The following RUSC2 variants were observed in gnomAD, a reference collection of about 807,000 sequenced individuals.
RUSC2 encodes AP-4 complex accessory subunit RUSC2.
Under a neutral mutation model 122.2 loss-of-function variants are expected in RUSC2, and 34 were observed. That is an observed-to-expected ratio of 0.28 (90% CI 0.21 to 0.37). The LOEUF is 0.37. RUSC2 is among the 10% of genes least tolerant of loss of function. The probability of loss-of-function intolerance (pLI) is 1.00; values close to 1 mark genes in which losing one functional copy is unlikely to be tolerated. For missense variants in RUSC2, 1,747 were observed against 1,952.4 expected, an observed-to-expected ratio of 0.89 and a Z score of 1.98; for synonymous variants, 784 against 790.0, an observed-to-expected ratio of 0.99 and a Z score of 0.13.
chr9:35,508,204 G>C (rs1447990762), intron 1 of RUSC2, among the ~76,000 whole-genome samples: 1 of 152,108 alleles, frequency 6.6e-6, no homozygotes, highest in African/African-American at 2.4e-5. Flanking sequence ...CTCCTCTCTA[G>C]TTGGAGGAAA....
Position 35,558,453 on chromosome 9 carries a change from TC to T in RUSC2, c.3236-7del. 8 of 1,613,886 alleles carry T rather than the reference TC, an allele frequency of 5.0e-6. No homozygotes were observed. Among genetic ancestry groups the T allele is most frequent in the Non-Finnish European group, 5.9e-6 (7 of 1,179,876 alleles). On this transcript the variant is annotated splice_polypyrimidine_tract_variant and splice_region_variant and intron_variant, in intron 7 of 11. Coordinates refer to ENST00000361226, the MANE Select transcript of RUSC2 (RefSeq NM_014806.5). The surrounding 1 kb of genome is among the most constrained non-coding windows in gnomAD (Gnocchi z 4.3). ...GGTCATGTGACCTGCAACCCTGGCT[TC>T]CTCCCAGGCCCATCCACCAAGGTCC... is the stretch of plus-strand genomic sequence containing the variant.
Position 35,557,661 on chromosome 9 carries a change from G to A in RUSC2, c.2984-253G>A, listed in dbSNP as rs1587870317. On this transcript the variant is annotated intron_variant, in intron 5 of 11. Transcript: ENST00000361226. The surrounding 1 kb of genome is among the most constrained non-coding windows in gnomAD (Gnocchi z 4.6). Reference sequence around the variant, plus strand: ...CCAGGATTGGAATAAGGGCTGAGAGGTAAGGACATTGAGAGGCTTGACAGT... The same window carrying A: ...CCAGGATTGGAATAAGGGCTGAGAGATAAGGACATTGAGAGGCTTGACAGT... Among the ~76,000 whole-genome samples the A allele has an allele frequency of 6.6e-6, 1 of 152,180 alleles. No individual in the cohort carries two copies. The highest frequency in any genetic ancestry group is 1.5e-5 in the Non-Finnish European group (1 of 68,042).
chr9:35,529,197 A>G (rs10758310), intron 1 of RUSC2, among the ~76,000 whole-genome samples: 111,686 of 151,928 alleles, frequency 0.74, 43,272 homozygotes, highest in Non-Finnish European at 0.87. Context: ...AAGAAAATGC[A>G]TAACTGTTAT....
At chr9:35,543,139 G>A (rs1156691030) in intron 1 of RUSC2, among the ~76,000 whole-genome samples, 1 of 152,108 alleles carries the variant, frequency 6.6e-6, no homozygotes, top group African/African-American at 2.4e-5. Context: ...AAAAAAAATT[G>A]TTTAGGCCCG....
At chr9:35,534,489 T>C (rs1311409555) in intron 1 of RUSC2, among the ~76,000 whole-genome samples, 1 of 146,054 alleles carries the variant, frequency 6.8e-6, no homozygotes, top group African/African-American at 2.8e-5. Context: ...TATTTACTTA[T>C]TTATTTTTTT....
In RUSC2 at chr9:35,496,075, A is replaced by T. The variant is rs192354574; in HGVS notation, c.-93+5903A>T. On this transcript the variant is annotated intron_variant, in intron 1 of 11. Coordinates refer to ENST00000361226, the MANE Select transcript of RUSC2 (RefSeq NM_014806.5). ...ATCAGAGAGTGATGAGCGAGCTAGTAACCAGAGAAACTCTCGAGTCAGTGG... is the reference window on the plus strand; with the variant it reads ...ATCAGAGAGTGATGAGCGAGCTAGTTACCAGAGAAACTCTCGAGTCAGTGG... Among the ~76,000 whole-genome samples the T allele has an allele frequency of 1.5e-4, 23 of 152,328 alleles. No individual in the cohort carries two copies. In the East Asian group the frequency reaches 4.4e-3, roughly 29 times the overall value.
intron 1 of RUSC2, among the ~76,000 whole-genome samples, chr9:35,541,426 T>A (rs1821640031): frequency 1.3e-5 from 2 of 151,698 alleles, no homozygotes; most frequent in Admixed American, 1.3e-4. Context: ...ATGTTCTCTG[T>A]GGTGTCATAT....
intron 1 of RUSC2, among the ~76,000 whole-genome samples, chr9:35,540,622 G>A (rs550831312): frequency 3.3e-5 from 5 of 152,288 alleles, no homozygotes; most frequent in African/African-American, 1.2e-4. Context: ...AGGTGGGATT[G>A]GCAAGTGTTA....
rs756137499 is a variant in RUSC2, at chr9:35,561,289, C to T, written c.4458C>T (p.Arg1486=). The T allele has an allele frequency of 9.3e-6, 15 of 1,613,916 alleles. No individual in the cohort carries two copies. The highest frequency in any genetic ancestry group is 5.0e-5 in the Admixed American group (3 of 60,002). Reference sequence around the variant, plus strand: ...GGCGAGCTGGAGGAGACTGGCTGCGCTGCAGCCGTGGCCCCGACTCTGGCC... The same window carrying T: ...GGCGAGCTGGAGGAGACTGGCTGCGTTGCAGCCGTGGCCCCGACTCTGGCC... ...VLGRAGGDWL[R]CSRGPDSGLV... Residue 1486 remains arginine, a synonymous_variant, in exon 12 of 12, where the codon CGC becomes CGT. Transcript: ENST00000361226.
chr9:35,535,209 G>A (rs1166453735), intron 1 of RUSC2, among the ~76,000 whole-genome samples: 1 of 151,820 alleles, frequency 6.6e-6, no homozygotes, highest in Non-Finnish European at 1.5e-5. Context: ...TCCACCTCCT[G>A]AGTTCAAGTG....
rs781731093 is a variant in RUSC2 at position 35,548,391 on chromosome 9, G to A, written c.1870G>A (p.Gly624Arg). The A allele has an allele frequency of 3.7e-6, 6 of 1,614,044 alleles. No homozygotes were observed. The highest frequency in any genetic ancestry group is 3.3e-5 in the Admixed American group (2 of 60,030). ...ACCCTGGTCCACCCAGGTCTGTCAG[G>A]GACCCCACTCCAGTGAGATGCCTCC... ...SPPWSTQVCQ[G>R]PHSSEMPPAG... Residue 624 changes from glycine to arginine, a missense_variant, in exon 2 of 12, where the codon GGA becomes AGA. Coordinates refer to ENST00000361226, the MANE Select transcript of RUSC2 (RefSeq NM_014806.5). The surrounding 1 kb of genome is among the most constrained non-coding windows in gnomAD (Gnocchi z 4.5).
intron 1 of RUSC2, among the ~76,000 whole-genome samples, chr9:35,514,589 C>T (rs1011447727): frequency 1.3e-5 from 2 of 152,120 alleles, no homozygotes; most frequent in Non-Finnish European, 1.5e-5. Context: ...TCTTTAGTAG[C>T]AGTAGGGATG....
chr9:35,505,550 T>C (rs996896077), intron 1 of RUSC2, among the ~76,000 whole-genome samples: 2 of 152,072 alleles, frequency 1.3e-5, no homozygotes, highest in African/African-American at 4.8e-5. Context: ...AACCATAAAC[T>C]CCATGAGGAC....
Position 35,517,524 on chromosome 9 carries a change from C to T in RUSC2, c.-93+27352C>T, listed in dbSNP as rs1042209675. Among the ~76,000 whole-genome samples, 3 of 152,112 alleles carry T rather than the reference C, an allele frequency of 2.0e-5. No homozygotes were observed. In the East Asian group the frequency reaches 5.8e-4, roughly 29 times the overall value. The stretch of plus-strand genomic sequence containing the variant: ...GGGCCCACAAACAGGGGAGAATTAG[C>T]TTTGTGGCTGCTAGATAGACAAGGG... On this transcript the variant is annotated intron_variant, in intron 1 of 11. Coordinates refer to ENST00000361226, the MANE Select transcript of RUSC2 (RefSeq NM_014806.5).
chr9:35,537,766 C>A (rs1208516748), intron 1 of RUSC2, among the ~76,000 whole-genome samples: 1 of 152,168 alleles, frequency 6.6e-6, no homozygotes, highest in East Asian at 1.9e-4. Flanking sequence ...GCTGTGGAGT[C>A]CAGATAGTAG....
chr9:35,520,151 G>A (rs993448135), intron 1 of RUSC2, among the ~76,000 whole-genome samples: 1 of 152,230 alleles, frequency 6.6e-6, no homozygotes, highest in Non-Finnish European at 1.5e-5. Context: ...GCCAGTCCCA[G>A]TGCTCTTACT....
At chr9:35,550,433 C>T (rs907665252) in intron 2 of RUSC2, among the ~76,000 whole-genome samples, 6 of 151,942 alleles carry the variant, frequency 3.9e-5, no homozygotes, top group Non-Finnish European at 7.4e-5. Context: ...CAAGACCAGC[C>T]TGGCCAACAT....
intron 1 of RUSC2, among the ~76,000 whole-genome samples, chr9:35,515,296 T>C (rs1046822033): frequency 7.9e-5 from 12 of 152,214 alleles, no homozygotes; most frequent in African/African-American, 2.7e-4. Context: ...TACAGCTGTA[T>C]GCATTTGACC....
At chr9:35,560,908 G>A in intron 10 of RUSC2, 52 bp from the exon 11 acceptor site, 2 of 1,594,604 alleles carry the variant, frequency 1.3e-6, no homozygotes, top group East Asian at 2.2e-5. Context: ...GTAAGCCAGG[G>A]CACGGGCAGA....
Sources: allele counts gnomAD v4.1 joint callset (sites outside exome capture counted in the v4.1 genomes callset), GRCh38; gene constraint gnomAD v4.1.1; non-coding constraint Gnocchi (gnomAD v3.1); transcripts MANE v1.5; gene names NCBI Gene and HGNC (gene_info 2026-07-23, HGNC 2026-07-21).